The following SIPA1 variants were observed in gnomAD, a reference collection of about 807,000 sequenced individuals.
The protein encoded by SIPA1 is signal-induced proliferation-associated protein 1.
SIPA1 carries 51 observed loss-of-function variants against 88.1 expected under a neutral mutation model. The observed-to-expected ratio is 0.58, with a 90% CI of 0.46 to 0.73. SIPA1 has a LOEUF of 0.73. SIPA1 is among the 30% of genes least tolerant of loss of function. SIPA1 has a pLI of 0.00. For synonymous variants in SIPA1, 681 were observed against 664.8 expected (o/e 1.02, Z -0.37); for missense variants, 1,348 against 1,467.6 (o/e 0.92, Z 1.33).
At position 65,642,115 on chromosome 11, in the gene SIPA1, G is replaced by T. The variant is rs987104912; in HGVS notation, c.680-135G>T. The T allele has an allele frequency of 6.0e-5, 75 of 1,251,466 alleles. 1 individual carries two copies. In the African/African-American group the frequency reaches 1.1e-3, roughly 19 times the overall value. 77.5% of individuals were successfully genotyped at this position (1,251,466 alleles called of 1,614,324 possible). A position where few individuals can be genotyped will look rare whatever the true frequency, so the allele number is the denominator to read the frequency against. The stretch of plus-strand genomic sequence containing the variant: ...AGATATTGAGCTCGGGGCTACAGAG[G>T]GGCGGGACTTAGTCTAGGGTCAACA... On this transcript the variant is annotated intron_variant, in intron 2 of 15. Coordinates refer to ENST00000534313, the MANE Select transcript of SIPA1 (RefSeq NM_006747.4). The surrounding 1 kb of genome is among the most constrained non-coding windows in gnomAD (Gnocchi z 6.5).
chr11:65,641,176 C>T lies in SIPA1; in HGVS notation c.255C>T (p.Ser85=), dbSNP rs748185278. The T allele has an allele frequency of 5.0e-6, 8 of 1,609,824 alleles. No homozygotes were observed. The highest frequency in any genetic ancestry group is 6.8e-6 in the Non-Finnish European group (8 of 1,179,972). The change falls in exon 2 of 16, where the codon TCC becomes TCT. Residue 85 remains serine, a synonymous_variant. Transcript: ENST00000534313. ...HEEASRPAAT[S]TRLFTDPLAL... Reference sequence around the variant, plus strand: ...AGGCCAGCCGACCTGCAGCCACTTCCACCCGGCTCTTCACTGACCCGCTGG... The same window carrying T: ...AGGCCAGCCGACCTGCAGCCACTTCTACCCGGCTCTTCACTGACCCGCTGG...
In SIPA1 at chr11:65,642,306, C is replaced by T; in HGVS notation, c.736C>T (p.Arg246Trp). 6.5e-7 allele frequency: 1 copy of T among 1,548,450 alleles called. No homozygotes were observed. Among genetic ancestry groups the T allele is most frequent in the Non-Finnish European group, 8.7e-7 (1 of 1,147,718 alleles). The change falls in exon 3 of 16, where the codon CGG (arginine) becomes TGG (tryptophan). Residue 246 changes from arginine (R) to tryptophan (W), a missense_variant. This residue lies in a region of SIPA1 where 641 missense variants were observed against 797.7 expected (regional missense o/e 0.80). Transcript: ENST00000534313. The surrounding 1 kb of genome is among the most constrained non-coding windows in gnomAD (Gnocchi z 6.5). Reference protein sequence around the residue: ...ESLGPVAVSLRREEKEGSGGG... With the variant: ...ESLGPVAVSLWREEKEGSGGG... ...GCTGGGCCCGGTGGCAGTGAGCCTG[C>T]GGCGGGAGGAGAAGGAGGGCAGCGG...
Position 65,647,629 on chromosome 11 carries a change from GC to G in SIPA1, c.2283del (p.Asp762ThrfsTer37). On this transcript the variant is annotated frameshift_variant, in exon 9 of 16. Coordinates refer to ENST00000534313, the MANE Select transcript of SIPA1 (RefSeq NM_006747.4). LOFTEE classifies it high-confidence loss of function. The part of the protein sequence containing the change: ...SAPKVCVTVL[P>X]PDESGRPRRS... ...CGCCCAAGGTCTGCGTCACCGTCCT[GC>G]CCCCCGACGAGAGCGGCCGGCCCCG... 1.1e-5 allele frequency: 15 copies of G among 1,395,880 alleles called. No homozygotes were observed. The highest frequency in any genetic ancestry group is 6.5e-5 in the Admixed American group (2 of 30,774). The allele number at this position is 1,395,880 out of a possible 1,614,324, so 86.5% of individuals were successfully genotyped here.
In SIPA1 at chr11:65,641,404, G is replaced by A. The variant is rs1169355948; in HGVS notation, c.483G>A (p.Gly161=). 1 of 1,613,124 alleles carries A rather than the reference G, an allele frequency of 6.2e-7. No homozygotes were observed. Among genetic ancestry groups the A allele is most frequent in the South Asian group, 1.1e-5 (1 of 91,074 alleles). ...CTGCCAGCTCGGACCTGCTGCATGG[G>A]GCACCTGGCTTTGTGTGTGAGCTCG... is the stretch of plus-strand genomic sequence containing the variant. The part of the protein sequence containing the change: ...DQAASSDLLH[G]APGFVCELGG... Residue 161 remains glycine (G), a synonymous_variant, in exon 2 of 16, where the codon GGG becomes GGA. Coordinates refer to ENST00000534313, the MANE Select transcript of SIPA1 (RefSeq NM_006747.4).
intron 1 of SIPA1, 162 bp downstream of exon 1, chr11:65,638,344 C>T (rs1052959956): frequency 3.3e-5 from 5 of 152,562 alleles, no homozygotes; most frequent in Admixed American, 2.6e-4. Flanking sequence ...AGTCCCGAGT[C>T]AATATGTCCA....
Position 65,647,007 on chromosome 11 carries a change from C to T in SIPA1, c.1973C>T (p.Thr658Met). The change falls in exon 8 of 16, where the codon ACG becomes ATG. Residue 658 changes from threonine (T) to methionine (M), a missense_variant. This residue lies in a region of SIPA1 where 615 missense variants were observed against 559.8 expected (regional missense o/e 1.10). Transcript: ENST00000534313. Reference sequence around the variant, plus strand: ...TACCACGGCCGCGGGGAGGCGATCACGCTGCGCTTCGACGGGTCCCCCGGC... The same window carrying T: ...TACCACGGCCGCGGGGAGGCGATCATGCTGCGCTTCGACGGGTCCCCCGGC... The part of the protein sequence containing the change: ...DLYHGRGEAI[T>M]LRFDGSPGQA... 1 of 1,540,052 alleles carries T rather than the reference C, an allele frequency of 6.5e-7. No individual in the cohort carries two copies. The highest frequency in any genetic ancestry group is 8.7e-7 in the Non-Finnish European group (1 of 1,148,754).
rs774784568 is a variant in SIPA1, at chr11:65,645,117, C to T, written c.1147C>T (p.Leu383=). The change falls in exon 5 of 16, where the codon CTA becomes TTA. Residue 383 remains leucine, a synonymous_variant. Coordinates refer to ENST00000534313, the MANE Select transcript of SIPA1 (RefSeq NM_006747.4). ...LKGFESYRAQ[L]DTKTDSTGTH... is the part of the protein sequence containing the mutation. ...AGGCTTTGAGAGTTACCGGGCCCAG[C>T]TAGACACCAAAAGTGAGGCCCAGGG... The T allele has an allele frequency of 2.1e-5, 34 of 1,613,334 alleles. No homozygotes were observed. Among genetic ancestry groups the T allele is most frequent in the Non-Finnish European group, 2.2e-5 (26 of 1,179,550 alleles).
chr11:65,638,808 A>G (rs978480136), intron 1 of SIPA1, among the ~76,000 whole-genome samples: 23 of 152,234 alleles, frequency 1.5e-4, no homozygotes, highest in African/African-American at 5.5e-4. Context: ...AGGCAGCGCC[A>G]GAGCCTGGCA....
At chr11:65,649,735 T>G in intron 11 of SIPA1, 22 bp from the exon 12 acceptor site, 2 of 1,614,064 alleles carry the variant, frequency 1.2e-6, no homozygotes, top group Non-Finnish European at 1.7e-6. Flanking sequence ...TCACTGAATC[T>G]GTATCCACTT....
At position 65,647,403 on chromosome 11, in the gene SIPA1, AGACCCGCGAGCTGGCGCT is replaced by A; in HGVS notation, c.2053_2070del (p.Thr685_Leu690del). The A allele has an allele frequency of 1.4e-6, 2 of 1,460,478 alleles. No homozygotes were observed. The highest frequency in any genetic ancestry group is 1.8e-6 in the Non-Finnish European group (2 of 1,114,064). The allele number at this position is 1,460,478 out of a possible 1,614,324, so 90.5% of individuals were successfully genotyped here. A position where few individuals can be genotyped will look rare whatever the true frequency, so the allele number is the denominator to read the frequency against. On this transcript the variant is annotated inframe_deletion, in exon 9 of 16. Coordinates refer to ENST00000534313, the MANE Select transcript of SIPA1 (RefSeq NM_006747.4). Reference sequence around the variant, plus strand: ...CCGCAGCTGGTGAGCCGTGGCTGCGAGACCCGCGAGCTGGCGCTGCCCCGCGACGGTCAAGGCCGCCTG... The same window carrying A: ...CCGCAGCTGGTGAGCCGTGGCTGCGAGCCCCGCGACGGTCAAGGCCGCCTG...
chr11:65,648,277 C>T (rs555749280), intron 9 of SIPA1, among the ~76,000 whole-genome samples: 66 of 152,172 alleles, frequency 4.3e-4, no homozygotes, highest in African/African-American at 1.4e-3. Flanking sequence ...TATTGGCACC[C>T]GCCCACCCAA....
chr11:65,641,601 G>A lies in SIPA1; in HGVS notation c.679+1G>A, dbSNP rs1856005882. 6.2e-7 allele frequency: 1 copy of A among 1,602,440 alleles called. No homozygotes were observed. The highest frequency in any genetic ancestry group is 8.5e-7 in the Non-Finnish European group (1 of 1,174,560). On this transcript the variant is annotated splice_donor_variant, in intron 2 of 15. Transcript: ENST00000534313. LOFTEE classifies it high-confidence loss of function. ...TACCGCAAATACTTCTATGGCAAAG[G>A]TGAGGAAAGGCAGTTCCAGGGAGTG... is the stretch of plus-strand genomic sequence containing the variant.
intron 2 of SIPA1, among the ~76,000 whole-genome samples, chr11:65,641,827 G>T (rs1416433863): frequency 1.3e-5 from 2 of 152,198 alleles, no homozygotes; most frequent in Non-Finnish European, 2.9e-5. Flanking sequence ...CTCTGCCTCC[G>T]TATTGGTTCA....
At chr11:65,648,795 C>T (rs1192105787) in intron 9 of SIPA1, among the ~76,000 whole-genome samples, 2 of 150,826 alleles carry the variant, frequency 1.3e-5, no homozygotes, top group Non-Finnish European at 2.9e-5. Context: ...GTGATCGCGC[C>T]ATTGCACTCC....
In SIPA1 at chr11:65,650,634, G is replaced by T; in HGVS notation, c.3048G>T (p.Leu1016=). 1 of 1,573,774 alleles carries T rather than the reference G, an allele frequency of 6.4e-7. No individual in the cohort carries two copies. The highest frequency in any genetic ancestry group is 1.1e-5 in the South Asian group (1 of 86,974). Residue 1016 remains leucine (L), a synonymous_variant, in exon 16 of 16, where the codon CTG becomes CTT. Transcript: ENST00000534313. ...VRSLRHNNRR[L]QAESESAATR... ...GCCTGAGACACAACAACCGGCGGCT[G>T]CAGGCGGAGTCTGAGAGTGCAGCCA...
chr11:65,647,537 C>A lies in SIPA1; in HGVS notation c.2185C>A (p.Leu729Met). ...GGGGCTGCGGCCCGGGGCGCGCCTC[C>A]TGCGCGTGTGCGGCCAGACTCTGCC... is the stretch of plus-strand genomic sequence containing the variant. ...TAGLRPGARL[L>M]RVCGQTLPSL... is the part of the protein sequence containing the mutation. The change falls in exon 9 of 16, where the codon CTG becomes ATG. Residue 729 changes from leucine (L) to methionine (M), a missense_variant. By Grantham distance (15) the Leu-to-Met change is conservative. Around this residue, in one of 4 missense-constraint regions of SIPA1, gnomAD observed 615 missense variants for 559.8 expected, o/e 1.10. Transcript: ENST00000534313. 1.5e-6 allele frequency: 2 copies of A among 1,344,888 alleles called. No individual in the cohort carries two copies. Among genetic ancestry groups the A allele is most frequent in the East Asian group, 3.4e-5 (1 of 29,512 alleles). The allele number at this position is 1,344,888 out of a possible 1,614,324, so 83.3% of individuals were successfully genotyped here.
chr11:65,640,325 A>C (rs1855975843), intron 1 of SIPA1: 1 of 152,472 alleles, frequency 6.6e-6, no homozygotes, highest in Non-Finnish European at 1.5e-5. Flanking sequence ...CAGGGCACTG[A>C]GATCAGACCT....
chr11:65,649,932 T>C lies in SIPA1; in HGVS notation c.2747-18T>C. The C allele has an allele frequency of 6.2e-7, 1 of 1,613,842 alleles. No individual in the cohort carries two copies. The highest frequency in any genetic ancestry group is 8.5e-7 in the Non-Finnish European group (1 of 1,179,836). Reference sequence around the variant, plus strand: ...GCTCCTGGGCTTCCCTAGCTCAGCCTGCTCCTTGTGCCCACAGTCATGTCG... The same window carrying C: ...GCTCCTGGGCTTCCCTAGCTCAGCCCGCTCCTTGTGCCCACAGTCATGTCG... On this transcript the variant is annotated intron_variant, in intron 12 of 15. Coordinates refer to ENST00000534313, the MANE Select transcript of SIPA1 (RefSeq NM_006747.4).
chr11:65,646,643 C>G lies in SIPA1; in HGVS notation c.1609C>G (p.Gln537Glu), dbSNP rs376650915. ...CACGCGCACCCGCCAGCAGTACCTGCAAGACCTGGCCACCAACGAGGTGAC... is the reference window on the plus strand; with the variant it reads ...CACGCGCACCCGCCAGCAGTACCTGGAAGACCTGGCCACCAACGAGGTGAC... ...MATRTRQQYL[Q>E]DLATNEVTTT... The change falls in exon 8 of 16, where the codon CAA becomes GAA. Residue 537 changes from glutamine to glutamate, a missense_variant. Gln to Glu is a conservative substitution (Grantham distance 29). Coordinates refer to ENST00000534313, the MANE Select transcript of SIPA1 (RefSeq NM_006747.4). The surrounding 1 kb of genome is among the most constrained non-coding windows in gnomAD (Gnocchi z 7.5). 3.2e-6 allele frequency: 5 copies of G among 1,548,428 alleles called. No homozygotes were observed. Among genetic ancestry groups the G allele is most frequent in the Non-Finnish European group, 4.3e-6 (5 of 1,149,844 alleles).
Sources: allele counts gnomAD v4.1 joint callset (sites outside exome capture counted in the v4.1 genomes callset), GRCh38; gene constraint gnomAD v4.1.1; regional missense constraint gnomAD v4.1.1; non-coding constraint Gnocchi (gnomAD v3.1); transcripts MANE v1.5; gene names NCBI Gene and HGNC (gene_info 2026-07-23, HGNC 2026-07-21).